The following EXT1 variants were observed in gnomAD, a reference collection of about 807,000 sequenced individuals.
The protein encoded by EXT1 is exostosin glycosyltransferase 1.
In EXT1, 20 loss-of-function variants were observed where a neutral mutation model predicts 82.5. That is an observed-to-expected ratio of 0.24 (90% CI 0.17 to 0.35). The LOEUF (loss-of-function observed/expected upper bound fraction) is 0.35. EXT1 is among the 10% of genes least tolerant of loss of function. The pLI is 1.00. For synonymous variants in EXT1, 348 were observed against 350.8 expected (o/e 0.99, Z 0.09); for missense variants, 757 against 936.5 (o/e 0.81, Z 2.50).
At chr8:118,101,925 A>C (rs925387130) in intron 1 of EXT1, among the ~76,000 whole-genome samples, 1 of 151,784 alleles carries the variant, frequency 6.6e-6, no homozygotes, top group Non-Finnish European at 1.5e-5. Context: ...ACAAGGTGAA[A>C]CCCATTACAG....
At chr8:117,834,379 T>G (rs17503447) in intron 3 of EXT1, among the ~76,000 whole-genome samples, 13,723 of 151,976 alleles carry the variant, frequency 0.09, 792 homozygotes, top group African/African-American at 0.17. Flanking sequence ...CTGAGATGGG[T>G]GAATCACCTG....
chr8:117,918,357 G>C (rs1193657390), intron 1 of EXT1, among the ~76,000 whole-genome samples: 1 of 152,210 alleles, frequency 6.6e-6, no homozygotes, highest in Non-Finnish European at 1.5e-5. Flanking sequence ...ATCACCTTTA[G>C]TTGGAAATAA....
At chr8:117,921,753 C>T (rs184834690) in intron 1 of EXT1, among the ~76,000 whole-genome samples, 27 of 152,234 alleles carry the variant, frequency 1.8e-4, no homozygotes, top group Non-Finnish European at 2.8e-4. Context: ...AATTCTATTT[C>T]TATGTCTATG....
chr8:118,108,595 T>G (rs1171453199), intron 1 of EXT1, among the ~76,000 whole-genome samples: 1 of 152,226 alleles, frequency 6.6e-6, no homozygotes, highest in East Asian at 1.9e-4. Flanking sequence ...GGATTCATAA[T>G]TGATCTTAGT....
chr8:117,824,372 G>A (rs1811975006), intron 4 of EXT1, among the ~76,000 whole-genome samples: 1 of 152,156 alleles, frequency 6.6e-6, no homozygotes, highest in South Asian at 2.1e-4. Context: ...ATGATAATAA[G>A]ATATAGCACT....
chr8:117,920,574 A>G (rs1190187324), intron 1 of EXT1, among the ~76,000 whole-genome samples: 3 of 152,180 alleles, frequency 2.0e-5, no homozygotes, highest in Non-Finnish European at 2.9e-5. Context: ...TCATCATGCA[A>G]ACTCTCCTGG....
intron 1 of EXT1, among the ~76,000 whole-genome samples, chr8:117,881,384 T>C (rs1489917838): frequency 2.6e-5 from 4 of 152,202 alleles, no homozygotes. Flanking sequence ...CTGACTCATT[T>C]AGGAGGGCTA....
intron 1 of EXT1, among the ~76,000 whole-genome samples, chr8:118,023,319 G>T (rs866874787): frequency 2.0e-5 from 3 of 152,278 alleles, no homozygotes; most frequent in South Asian, 4.1e-4. Context: ...AAATAACTCA[G>T]GAATTGTTAT....
intron 1 of EXT1, among the ~76,000 whole-genome samples, chr8:118,060,887 A>G (rs562415985): frequency 6.6e-6 from 1 of 152,310 alleles, no homozygotes; most frequent in Admixed American, 6.5e-5. Flanking sequence ...TCTGCCTTTT[A>G]TTAGTAAAAA....
At chr8:118,079,683 A>G (rs1817276579) in intron 1 of EXT1, among the ~76,000 whole-genome samples, 1 of 127,874 alleles carries the variant, frequency 7.8e-6, no homozygotes, top group East Asian at 2.5e-4. Flanking sequence ...CCCACTAATT[A>G]GTTTCTCAAC....
Position 117,939,020 on chromosome 8 carries a change from C to T in EXT1, c.963-101819G>A, listed in dbSNP as rs577329194. ...CCCAAGTAAGTTATACAATCTCATG[C>T]CCCCTCCTTTTATTTTTCAAGCTGT... On this transcript the variant is annotated intron_variant, in intron 1 of 10. Coordinates refer to ENST00000378204, the MANE Select transcript of EXT1 (RefSeq NM_000127.3). Among the ~76,000 whole-genome samples, 9 of 152,156 alleles carry T rather than the reference C, an allele frequency of 5.9e-5. No individual in the cohort carries two copies. In the South Asian group the frequency reaches 1.7e-3, roughly 28 times the overall value.
intron 1 of EXT1, among the ~76,000 whole-genome samples, chr8:117,937,337 T>G (rs142023273): frequency 1.3e-5 from 2 of 152,344 alleles, no homozygotes; most frequent in East Asian, 3.9e-4. Context: ...GTACTTAATA[T>G]AATCGAGGAC....
At chr8:118,096,565 C>T (rs575728529) in intron 1 of EXT1, among the ~76,000 whole-genome samples, 6 of 150,064 alleles carry the variant, frequency 4.0e-5, no homozygotes, top group South Asian at 2.1e-4. Flanking sequence ...CACGCCACTG[C>T]GGCCTGGCGA....
intron 1 of EXT1, among the ~76,000 whole-genome samples, chr8:117,936,283 A>AC (rs138269026): frequency 0.067 from 10,133 of 152,190 alleles, 1,145 homozygotes; most frequent in African/African-American, 0.23. Flanking sequence ...TACTCCACAT[A>AC]CCCCACTGTC....
intron 1 of EXT1, among the ~76,000 whole-genome samples, chr8:118,011,643 G>A (rs1399446889): frequency 6.6e-6 from 1 of 152,192 alleles, no homozygotes; most frequent in African/African-American, 2.4e-5. Context: ...AGTCGCATAT[G>A]TGGAAAGTGA....
intron 1 of EXT1, among the ~76,000 whole-genome samples, chr8:117,993,575 C>A (rs2129793477): frequency 6.6e-6 from 1 of 152,338 alleles, no homozygotes; most frequent in South Asian, 2.1e-4. Context: ...CTTAAACCAA[C>A]ATTTCCCAAA....
At chr8:117,862,876 T>C (rs573577356) in intron 1 of EXT1, among the ~76,000 whole-genome samples, 1 of 143,270 alleles carries the variant, frequency 7.0e-6, no homozygotes, top group African/African-American at 2.5e-5. Context: ...AAGGGAGCTG[T>C]GGGAAGAATA....
chr8:118,032,525 T>G (rs1310271717), intron 1 of EXT1, among the ~76,000 whole-genome samples: 3 of 151,688 alleles, frequency 2.0e-5, no homozygotes. Flanking sequence ...TTTTTTTTTT[T>G]TTGAGACAGA....
At chr8:118,066,415 C>T (rs1330997466) in intron 1 of EXT1, among the ~76,000 whole-genome samples, 1 of 151,296 alleles carries the variant, frequency 6.6e-6, no homozygotes, top group Non-Finnish European at 1.5e-5. Flanking sequence ...AGCTGGAGTG[C>T]AGTGGCATGA....
Sources: allele counts gnomAD v4.1 joint callset (sites outside exome capture counted in the v4.1 genomes callset), GRCh38; gene constraint gnomAD v4.1.1; transcripts MANE v1.5; gene names NCBI Gene and HGNC (gene_info 2026-07-23, HGNC 2026-07-21).